Variants in HTT observed in about 807,000 individuals in gnomAD.
HTT encodes the protein huntington disease protein.
A neutral mutation model predicts 362.3 loss-of-function variants in HTT; 104 were observed. The observed-to-expected ratio is 0.29, with a 90% CI of 0.24 to 0.34. HTT has a LOEUF of 0.34. HTT is among the 10% of genes least tolerant of loss of function. The probability of loss-of-function intolerance (pLI) is 1.00; values close to 1 mark genes in which losing one functional copy is unlikely to be tolerated. For missense variants in HTT, 3,301 were observed against 3,928.6 expected (o/e 0.84, Z 4.27); for synonymous variants, 1,577 against 1,548.7 (o/e 1.02, Z -0.43).
At position 3,172,993 on chromosome 4, in the gene HTT, A is replaced by G. The variant is rs373541628; in HGVS notation, c.4028A>G (p.Gln1343Arg). ...SNPSKSQGRA[Q>R]RLGSSSVRPG... ...CCCAGCAAGTCACAAGGCCGAGCAC[A>G]GCGCCTTGGCTCCTCCAGTGTGAGG... Residue 1343 changes from glutamine to arginine, a missense_variant, in exon 31 of 67, where the codon CAG becomes CGG. Around this residue, in one of 4 missense-constraint regions of HTT, gnomAD observed 2,316 missense variants for 2,658.5 expected, o/e 0.87. Coordinates refer to ENST00000355072, the MANE Select transcript of HTT (RefSeq NM_001388492.1). 6.2e-7 allele frequency: 1 copy of G among 1,614,086 alleles called. No individual in the cohort carries two copies. The highest frequency in any genetic ancestry group is 1.3e-5 in the African/African-American group (1 of 74,930).
Position 3,208,925 on chromosome 4 carries a change from G to A in HTT, c.6291+14G>A, listed in dbSNP as rs548239408. On this transcript the variant is annotated intron_variant, in intron 46 of 66. Coordinates refer to ENST00000355072, the MANE Select transcript of HTT (RefSeq NM_001388492.1). ...AGTCCGGACAAAGTAAGTGTCCAGC[G>A]TGTCTGCATGGGAGGCACAGGGCGC... 65 of 1,605,762 alleles carry A rather than the reference G, an allele frequency of 4.0e-5. 1 individual carries two copies. The South Asian group carries it at 4.2e-4, about 10-fold the overall frequency.
Position 3,225,750 on chromosome 4 carries a change from C to T in HTT, c.7848+7C>T. ...GAGCTACAAACTCGGCCAGGTCAGT[C>T]TCGCGCCCCCGCCGCCTGGCCTCTG... On this transcript the variant is annotated splice_region_variant and intron_variant, in intron 57 of 66. Transcript: ENST00000355072. 6.2e-7 allele frequency: 1 copy of T among 1,610,712 alleles called. No homozygotes were observed. Among genetic ancestry groups the T allele is most frequent in the Non-Finnish European group, 8.5e-7 (1 of 1,178,082 alleles).
At chr4:3,227,289 C>T (rs965630695) in intron 57 of HTT, among the ~76,000 whole-genome samples, 1 of 143,218 alleles carries the variant, frequency 7.0e-6, no homozygotes, top group Non-Finnish European at 1.5e-5. Context: ...GCCACCCCTG[C>T]CCTGTCTGGG....
In HTT at chr4:3,233,170, C is replaced by A; in HGVS notation, c.8273C>A (p.Ala2758Asp). The stretch of plus-strand genomic sequence containing the variant: ...TTGTCTGTGTGTGCCTAGGACAAGG[C>A]CGTGGCGGAGCCTGTCAGCCGCCTG... ...KAAAVLGMDK[A>D]VAEPVSRLLE... Residue 2758 changes from alanine (A) to aspartate (D), a missense_variant, in exon 61 of 67, where the codon GCC (alanine) becomes GAC (aspartate). This residue lies in a region of HTT where 753 missense variants were observed against 1,021.3 expected (regional missense o/e 0.74). Transcript: ENST00000355072. 6.3e-7 allele frequency: 1 copy of A among 1,585,218 alleles called. No homozygotes were observed. The highest frequency in any genetic ancestry group is 8.6e-7 in the Non-Finnish European group (1 of 1,157,800).
intron 37 of HTT, 151 bp from the exon 38 acceptor site, chr4:3,186,446 G>T: frequency 1.4e-6 from 1 of 718,186 alleles, no homozygotes; most frequent in Non-Finnish European, 2.3e-6. Flanking sequence ...ATGTTTGCTT[G>T]GTTCACCACT....
chr4:3,134,643 A>C, intron 19 of HTT, 103 bp downstream of exon 19: 1 of 1,077,384 alleles, frequency 9.3e-7, no homozygotes, highest in Non-Finnish European at 1.4e-6. Flanking sequence ...TGTCCATCAG[A>C]AATCCGAGTG....
intron 59 of HTT, among the ~76,000 whole-genome samples, 161 bp downstream of exon 59, chr4:3,229,170 A>C (rs1277581642): frequency 6.6e-6 from 1 of 150,756 alleles, no homozygotes; most frequent in Non-Finnish European, 1.5e-5. Flanking sequence ...GACACCACAC[A>C]CACATGCCAC....
intron 66 of HTT, among the ~76,000 whole-genome samples, chr4:3,239,370 A>C (rs1721700854): frequency 6.6e-6 from 1 of 152,108 alleles, no homozygotes; most frequent in East Asian, 1.9e-4. Context: ...CTCTCGGGGA[A>C]AGGCTTAAGT....
chr4:3,083,849 C>T (rs950412477), intron 1 of HTT, among the ~76,000 whole-genome samples: 3 of 152,152 alleles, frequency 2.0e-5, no homozygotes, highest in Admixed American at 2.0e-4. Context: ...GTATGCATAG[C>T]AGCTTTACCC....
chr4:3,238,467 G>A lies in HTT; in HGVS notation c.8912G>A (p.Cys2971Tyr), dbSNP rs769833432. 1 of 1,611,868 alleles carries A rather than the reference G, an allele frequency of 6.2e-7. No homozygotes were observed. Among genetic ancestry groups the A allele is most frequent in the South Asian group, 1.1e-5 (1 of 90,340 alleles). The change falls in exon 65 of 67, where the codon TGT (cysteine) becomes TAT (tyrosine). Residue 2971 changes from cysteine to tyrosine, a missense_variant. This residue lies in a region of HTT where 753 missense variants were observed against 1,021.3 expected (regional missense o/e 0.74). Transcript: ENST00000355072. ...LFDRIRKGFP[C>Y]EARVVARILP... ...CCCAGGATCAGGAAAGGCTTTCCTT[G>A]TGAAGCCAGAGTGGTGGCCAGGATC...
intron 35 of HTT, among the ~76,000 whole-genome samples, chr4:3,180,304 G>A (rs956532963): frequency 6.6e-6 from 1 of 151,896 alleles, no homozygotes; most frequent in East Asian, 1.9e-4. Context: ...TCTTTTTTTA[G>A]AAGTCATCAC....
chr4:3,094,646 CG>C, intron 2 of HTT, among the ~76,000 whole-genome samples: 1 of 121,650 alleles, frequency 8.2e-6, no homozygotes, highest in East Asian at 2.0e-4. Context: ...ACCTCCCGGA[CG>C]GGGCGGGTGG....
intron 1 of HTT, among the ~76,000 whole-genome samples, chr4:3,076,693 AC>A (rs1712572106): frequency 6.6e-6 from 1 of 152,180 alleles, no homozygotes; most frequent in African/African-American, 2.4e-5. Context: ...GGGAAGGAAG[AC>A]CTTTCTGCTG....
At chr4:3,111,533 G>A (rs1714750261) in intron 6 of HTT, among the ~76,000 whole-genome samples, 1 of 152,094 alleles carries the variant, frequency 6.6e-6, no homozygotes. Flanking sequence ...TCTTGAGTCA[G>A]CTAGTATCCC....
At chr4:3,223,582 T>A (rs767922613) in intron 55 of HTT, 22 bp downstream of exon 55, 1 of 1,583,398 alleles carries the variant, frequency 6.3e-7, no homozygotes, top group Non-Finnish European at 8.6e-7. Context: ...TTCCCACGTG[T>A]CTCTGGGACA....
At chr4:3,075,416 A>G (rs2110130045) in intron 1 of HTT, among the ~76,000 whole-genome samples, 1 of 152,314 alleles carries the variant, frequency 6.6e-6, no homozygotes, top group Admixed American at 6.5e-5. Context: ...TGGGGCGAGA[A>G]CTTGTTTCTT....
chr4:3,085,401 G>T (rs1175717209), intron 1 of HTT, among the ~76,000 whole-genome samples: 1 of 152,164 alleles, frequency 6.6e-6, no homozygotes, highest in Non-Finnish European at 1.5e-5. Flanking sequence ...CTCCCAAAGT[G>T]CTGGGATTAC....
Position 3,215,154 on chromosome 4 carries a change from A to G in HTT, c.6997A>G (p.Thr2333Ala), listed in dbSNP as rs1216582043. ...GCAGCTTCTTAGTCCAGAAAGAAGG[A>G]CAAATACCCCAAAAGCCATCAGCGA... is the stretch of plus-strand genomic sequence containing the variant. Reference protein sequence around the residue: ...GEQLLSPERRTNTPKAISEEE... With the variant: ...GEQLLSPERRANTPKAISEEE... The change falls in exon 51 of 67, where the codon ACA (threonine) becomes GCA (alanine). Residue 2333 changes from threonine to alanine, a missense_variant. Coordinates refer to ENST00000355072, the MANE Select transcript of HTT (RefSeq NM_001388492.1). 1 of 1,614,072 alleles carries G rather than the reference A, an allele frequency of 6.2e-7. No individual in the cohort carries two copies. The highest frequency in any genetic ancestry group is 8.5e-7 in the Non-Finnish European group (1 of 1,180,020).
rs188998473 is a variant in HTT, at chr4:3,218,552, G to C, written c.7242+600G>C. Among the ~76,000 whole-genome samples, 20 of 152,108 alleles carry C rather than the reference G, an allele frequency of 1.3e-4. No homozygotes were observed. Among genetic ancestry groups the C allele is most frequent in the Non-Finnish European group, 2.5e-4 (17 of 68,012 alleles). The stretch of plus-strand genomic sequence containing the variant: ...GGAGACTGAGACAGGAGAATCGCTT[G>C]AACCCAGGAGGCGAAGGTTGCAGTA... On this transcript the variant is annotated intron_variant, in intron 52 of 66. Transcript: ENST00000355072. This position sits in a 1 kb window ranked among gnomAD's most constrained non-coding sequence, Gnocchi z 4.4.
Sources: allele counts gnomAD v4.1 joint callset (sites outside exome capture counted in the v4.1 genomes callset), GRCh38; gene constraint gnomAD v4.1.1; regional missense constraint gnomAD v4.1.1; non-coding constraint Gnocchi (gnomAD v3.1); transcripts MANE v1.5; gene names NCBI Gene and HGNC (gene_info 2026-07-23, HGNC 2026-07-21).